Variants in GTF2A2 observed in about 807,000 individuals in gnomAD.
GTF2A2 encodes the protein transcription initiation factor IIA subunit 2.
A neutral mutation model predicts 14.3 loss-of-function variants in GTF2A2; 9 were observed. That is an observed-to-expected ratio of 0.63 (90% CI 0.38 to 1.10). GTF2A2 has a LOEUF of 1.10. Ranked by LOEUF, GTF2A2 falls within the 50% of genes least tolerant of loss-of-function variation. The probability of loss-of-function intolerance (pLI) is 0.01; values close to 1 mark genes in which losing one functional copy is unlikely to be tolerated. For synonymous variants in GTF2A2, 56 were observed against 46.0 expected, an observed-to-expected ratio of 1.22 and a Z score of -0.88; for missense variants, 90 against 124.6, an observed-to-expected ratio of 0.72 and a Z score of 1.32.
intron 3 of GTF2A2, among the ~76,000 whole-genome samples, chr15:59,648,401 C>CAAAAAAAAAAA (rs71425875): frequency 3.3e-5 from 3 of 90,560 alleles, no homozygotes; most frequent in African/African-American, 9.3e-5. Flanking sequence ...GACTTCGTCT[C>CAAAAAAAAAAA]AAAAAAAAAA....
intron 3 of GTF2A2, among the ~76,000 whole-genome samples, chr15:59,647,288 A>T (rs1891637389): frequency 6.6e-6 from 1 of 152,058 alleles, no homozygotes; most frequent in Admixed American, 6.6e-5. Flanking sequence ...TTGTAGGGAC[A>T]GGGTTTCACT....
chr15:59,647,099 T>C (rs972615225), intron 3 of GTF2A2, among the ~76,000 whole-genome samples: 1 of 152,156 alleles, frequency 6.6e-6, no homozygotes, highest in African/African-American at 2.4e-5. Flanking sequence ...TTTACATACA[T>C]ATAGTTTTTT....
intron 3 of GTF2A2, among the ~76,000 whole-genome samples, chr15:59,645,982 C>T (rs1043637649): frequency 2.7e-5 from 4 of 148,048 alleles, no homozygotes; most frequent in South Asian, 2.1e-4. Context: ...CACAGTGAGG[C>T]GAGATCACAC....
chr15:59,648,553 A>C (rs1484983475), intron 3 of GTF2A2, among the ~76,000 whole-genome samples: 1 of 152,162 alleles, frequency 6.6e-6, no homozygotes, highest in African/African-American at 2.4e-5. Context: ...ATAAATGATT[A>C]AAACCTTAGC....
At chr15:59,644,504 G>A (rs1047344896) in intron 3 of GTF2A2, among the ~76,000 whole-genome samples, 2 of 152,188 alleles carry the variant, frequency 1.3e-5, no homozygotes, top group Non-Finnish European at 2.9e-5. Context: ...TGGCCTCTGA[G>A]GATACAATGG....
intron 1 of GTF2A2, among the ~76,000 whole-genome samples, chr15:59,654,712 A>C (rs1478349927): frequency 6.6e-6 from 1 of 152,200 alleles, no homozygotes; most frequent in Non-Finnish European, 1.5e-5. Context: ...AGTATGACAC[A>C]AAGTATTACA....
intron 4 of GTF2A2, chr15:59,639,954 T>G (rs1454828909): frequency 6.6e-6 from 1 of 152,266 alleles, no homozygotes; most frequent in East Asian, 1.9e-4. Context: ...TTTCACCATG[T>G]TGGCCAGGCT....
At chr15:59,648,133 G>T (rs1434278825) in intron 3 of GTF2A2, among the ~76,000 whole-genome samples, 5 of 152,022 alleles carry the variant, frequency 3.3e-5, no homozygotes, top group African/African-American at 1.2e-4. Context: ...TTATGGCCGG[G>T]TGCGGTACCT....
At chr15:59,649,761 C>G (rs1566932448) in intron 3 of GTF2A2, among the ~76,000 whole-genome samples, 2 of 152,110 alleles carry the variant, frequency 1.3e-5, no homozygotes, top group Non-Finnish European at 2.9e-5. Flanking sequence ...TCTTGTTCAT[C>G]TCTGAGTATC....
In GTF2A2 at chr15:59,652,206, C is replaced by A; in HGVS notation, c.72G>T (p.Gln24His). The A allele has an allele frequency of 6.5e-7, 1 of 1,541,194 alleles. No individual in the cohort carries two copies. Among genetic ancestry groups the A allele is most frequent in the Non-Finnish European group, 8.9e-7 (1 of 1,117,368 alleles). The change falls in exon 2 of 5, where the codon CAG (glutamine) becomes CAT (histidine). Residue 24 changes from glutamine (Q) to histidine (H), a missense_variant and splice_region_variant. By Grantham distance (24) the Gln-to-His change is conservative. Transcript: ENST00000396060. Reference sequence around the variant, plus strand: ...TTTGATTTTTAATTCAGTCTCCCACCTGTATGAGCTCATCTAGGCTCTCCT... The same window carrying A: ...TTTGATTTTTAATTCAGTCTCCCACATGTATGAGCTCATCTAGGCTCTCCT... ...SLQESLDELI[Q>H]SQQITPQLAL...
In GTF2A2 at chr15:59,642,257, A is replaced by C. The variant is rs1566926026; in HGVS notation, c.183T>G (p.Ser61=). ...TATCGCAGAATCTGTACGTATTTAG[A>C]GAGCCCTTTAAAACAAAACATTTAG... ...RVRNRVNFRG[S]LNTYRFCDNV... The change falls in exon 4 of 5, where the codon TCT becomes TCG. Residue 61 remains serine (S), a synonymous_variant. Transcript: ENST00000396060. 1 of 1,599,078 alleles carries C rather than the reference A, an allele frequency of 6.3e-7. No homozygotes were observed. Among genetic ancestry groups the C allele is most frequent in the East Asian group, 2.3e-5 (1 of 44,268 alleles).
chr15:59,652,106 C>A, intron 2 of GTF2A2, 100 bp downstream of exon 2: 1 of 715,288 alleles, frequency 1.4e-6, no homozygotes. Context: ...TCAAATAGTC[C>A]AAGATATTTT....
rs1402652644 is a variant in GTF2A2 at position 59,638,842 on chromosome 15, C to G, written c.*290G>C. The G allele has an allele frequency of 3.2e-5, 10 of 315,912 alleles. No homozygotes were observed. Among genetic ancestry groups the G allele is most frequent in the Non-Finnish European group, 5.8e-5 (10 of 171,730 alleles). The allele number at this position is 315,912 out of a possible 1,614,324, so 19.6% of individuals were successfully genotyped here. On this transcript the variant is annotated 3_prime_UTR_variant, in exon 5 of 5. Coordinates refer to ENST00000396060, the MANE Select transcript of GTF2A2 (RefSeq NM_004492.3). ...TTATCTAATATCTTCATATTGCTAC[C>G]TTAATAGCTTCACCAGTTATTACTC...
At chr15:59,652,044 T>C in intron 2 of GTF2A2, 162 bp downstream of exon 2, 1 of 563,584 alleles carries the variant, frequency 1.8e-6, no homozygotes, top group Non-Finnish European at 3.1e-6. Flanking sequence ...GTCAGGACAG[T>C]GTAATAAACA....
At chr15:59,641,674 C>T (rs1374055662) in intron 4 of GTF2A2, among the ~76,000 whole-genome samples, 1 of 152,190 alleles carries the variant, frequency 6.6e-6, no homozygotes, top group East Asian at 1.9e-4. Flanking sequence ...TTCACTTGCA[C>T]ATGTCATATT....
intron 3 of GTF2A2, chr15:59,644,263 A>T (rs1891529731): frequency 6.6e-6 from 1 of 152,232 alleles, no homozygotes; most frequent in Non-Finnish European, 1.5e-5. Flanking sequence ...AAAACCTGAG[A>T]TATACACATG....
intron 3 of GTF2A2, among the ~76,000 whole-genome samples, chr15:59,649,794 C>T (rs1891736448): frequency 6.6e-6 from 1 of 152,072 alleles, no homozygotes; most frequent in Non-Finnish European, 1.5e-5. Context: ...GGTATGTTAT[C>T]TTTTCATCTC....
Position 59,639,146 on chromosome 15 carries a change from T to A in GTF2A2, c.316A>T (p.Asn106Tyr). 6.9e-7 allele frequency: 1 copy of A among 1,459,486 alleles called. No individual in the cohort carries two copies. Among genetic ancestry groups the A allele is most frequent in the Non-Finnish European group, 9.6e-7 (1 of 1,042,886 alleles). The allele number at this position is 1,459,486 out of a possible 1,614,324, so 90.4% of individuals were successfully genotyped here. The change falls in exon 5 of 5, where the codon AAT (asparagine) becomes TAT (tyrosine). Residue 106 changes from asparagine (N) to tyrosine (Y), a missense_variant. Coordinates refer to ENST00000396060, the MANE Select transcript of GTF2A2 (RefSeq NM_004492.3). ...VACDGKNTGSNTTE is the reference protein window; with the variant it reads ...VACDGKNTGSYTTE The stretch of plus-strand genomic sequence containing the variant: ...ATTTTTTCTATTCATTCTGTAGTAT[T>A]GGAGCCAGTATCTAGGAAACAAAAG...
chr15:59,649,719 A>C (rs1420291617), intron 3 of GTF2A2, among the ~76,000 whole-genome samples: 1 of 152,174 alleles, frequency 6.6e-6, no homozygotes, highest in East Asian at 1.9e-4. Context: ...TTTATCCTTC[A>C]CTAAAATTTA....
Sources: allele counts gnomAD v4.1 joint callset (sites outside exome capture counted in the v4.1 genomes callset), GRCh38; gene constraint gnomAD v4.1.1; transcripts MANE v1.5; gene names NCBI Gene and HGNC (gene_info 2026-07-23, HGNC 2026-07-21).